Variants in SIN3A observed in about 807,000 individuals in gnomAD.
SIN3A encodes the protein SIN3 transcription regulator family member A, also known as paired amphipathic helix protein Sin3a.
Under a neutral mutation model 146.1 loss-of-function variants are expected in SIN3A, and 14 were observed. The observed-to-expected ratio is 0.10, with a 90% CI of 0.06 to 0.15. The LOEUF (loss-of-function observed/expected upper bound fraction) is 0.15. SIN3A is among the 10% of genes least tolerant of loss of function. The probability of loss-of-function intolerance (pLI) is 1.00; values close to 1 mark genes in which losing one functional copy is unlikely to be tolerated. For missense variants in SIN3A, 1,028 were observed against 1,576.0 expected (o/e 0.65, Z 5.89); for synonymous variants, 572 against 572.0 (o/e 1.00, Z 0.00).
At chr15:75,454,999 G>T (rs901071419), upstream of SIN3A, 3 of 152,094 alleles carry the variant, frequency 2.0e-5, no homozygotes, top group African/African-American at 7.2e-5. Flanking sequence ...CAGCTCGCAG[G>T]GCTAGCGGCG....
chr15:75,390,473 A>C (rs2073180125), intron 15 of SIN3A, among the ~76,000 whole-genome samples: 2 of 152,298 alleles, frequency 1.3e-5, no homozygotes, highest in East Asian at 1.9e-4. Context: ...AATAAATCTC[A>C]TCAGTTGTTA....
chr15:75,419,974 ACT>A (rs984067458), intron 3 of SIN3A: 3 of 152,172 alleles, frequency 2.0e-5, no homozygotes, highest in Non-Finnish European at 4.4e-5. Context: ...TCTTATATAA[ACT>A]CTCTATAAAT....
chr15:75,407,055 C>T lies in SIN3A; in HGVS notation c.1407G>A (p.Lys469=). 2 of 1,601,246 alleles carry T rather than the reference C, an allele frequency of 1.2e-6. No individual in the cohort carries two copies. The highest frequency in any genetic ancestry group is 8.5e-7 in the Non-Finnish European group (1 of 1,169,648). The change falls in exon 9 of 21, where the codon AAG becomes AAA. Residue 469 remains lysine (K), a splice_region_variant and synonymous_variant. Coordinates refer to ENST00000394947, the MANE Select transcript of SIN3A (RefSeq NM_001145358.2). ...GGGTESLFFD[K]VRKALRSAEA... ...CAAATCTAACTCATCCATTACTCAC[C>T]TTATCAAAAAATAACGATTCTGTTC...
At chr15:75,374,222 G>A (rs573947802) in intron 20 of SIN3A, among the ~76,000 whole-genome samples, 1 of 151,982 alleles carries the variant, frequency 6.6e-6, no homozygotes, top group East Asian at 1.9e-4. Flanking sequence ...ACATCTGGGC[G>A]TGGTGGCTCA....
At chr15:75,420,499 C>T (rs539735311) in intron 3 of SIN3A, 31 of 152,288 alleles carry the variant, frequency 2.0e-4, no homozygotes, top group African/African-American at 7.0e-4. Flanking sequence ...ATTCTCCTGC[C>T]TCAGCCTCCT....
chr15:75,443,197 T>C (rs371345033), intron 1 of SIN3A, among the ~76,000 whole-genome samples: 18 of 152,338 alleles, frequency 1.2e-4, no homozygotes, highest in African/African-American at 4.3e-4. Flanking sequence ...CACACAGCAT[T>C]CATCTACTAG....
At chr15:75,434,377 C>T (rs1215939148) in intron 1 of SIN3A, among the ~76,000 whole-genome samples, 4 of 152,100 alleles carry the variant, frequency 2.6e-5, no homozygotes, top group African/African-American at 4.8e-5. Flanking sequence ...AGGCCGGGCG[C>T]GGTGGCTCAT....
chr15:75,441,190 A>G (rs905272348), intron 1 of SIN3A, among the ~76,000 whole-genome samples: 1 of 151,834 alleles, frequency 6.6e-6, no homozygotes, highest in Non-Finnish European at 1.5e-5. Flanking sequence ...TGTGCCTATA[A>G]TCCCAGCTAC....
At chr15:75,452,609 G>A (rs896664806), upstream of SIN3A, among the ~76,000 whole-genome samples, 1 of 152,220 alleles carries the variant, frequency 6.6e-6, no homozygotes, top group Non-Finnish European at 1.5e-5. Context: ...AAACTCCCTA[G>A]AGCTGAATAT....
At chr15:75,452,347 C>A (rs1281082280), upstream of SIN3A, among the ~76,000 whole-genome samples, 1 of 152,024 alleles carries the variant, frequency 6.6e-6, no homozygotes, top group Admixed American at 6.6e-5. Context: ...TTCCAGGGCC[C>A]GAGATAGGAG....
chr15:75,392,568 A>G lies in SIN3A; in HGVS notation c.2525T>C (p.Met842Thr), dbSNP rs1304549434. The G allele has an allele frequency of 6.2e-7, 1 of 1,613,930 alleles. No individual in the cohort carries two copies. Among genetic ancestry groups the G allele is most frequent in the Non-Finnish European group, 8.5e-7 (1 of 1,179,998 alleles). Residue 842 changes from methionine to threonine, a missense_variant, in exon 15 of 21, where the codon ATG (methionine) becomes ACG (threonine). Physicochemically the swap from Met to Thr is moderately conservative, Grantham distance 81. Transcript: ENST00000394947. ...TGCCCCTGTGGCTTCATCTACATCC[A>G]TCTCTTCTTCTTCCTCTTCCTCCAC... ...SDVEEEEEEE[M>T]DVDEATGAVK...
intron 1 of SIN3A, among the ~76,000 whole-genome samples, chr15:75,450,771 A>G (rs1242007870): frequency 6.6e-6 from 1 of 152,184 alleles, no homozygotes; most frequent in East Asian, 1.9e-4. Flanking sequence ...CCACGGAGAC[A>G]TAGGGCGGGG....
At chr15:75,440,152 AAAAT>A (rs925787062) in intron 1 of SIN3A, among the ~76,000 whole-genome samples, 3 of 152,046 alleles carry the variant, frequency 2.0e-5, no homozygotes, top group Admixed American at 6.6e-5. Flanking sequence ...CTCCCTCTCA[AAAAT>A]AAATAAATAA....
At chr15:75,388,472 C>T (rs1000674325) in intron 16 of SIN3A, 1 of 152,318 alleles carries the variant, frequency 6.6e-6, no homozygotes, top group East Asian at 1.9e-4. Context: ...GGGGCTTCAG[C>T]TTAGAAGAGT....
intron 3 of SIN3A, chr15:75,415,854 GAAAAAAA>G (rs397946961): frequency 2.1e-5 from 2 of 96,252 alleles, no homozygotes; most frequent in Non-Finnish European, 4.0e-5. Context: ...TCGGTCTCAG[GAAAAAAA>G]AAAAAAAAAA....
intron 15 of SIN3A, 27 bp from the exon 16 acceptor site, chr15:75,389,848 C>A (rs763005706): frequency 3.1e-6 from 5 of 1,608,640 alleles, no homozygotes; most frequent in Admixed American, 3.3e-5. Context: ...ATTGGTGAGG[C>A]CTTACCTTGC....
chr15:75,400,853 G>A lies in SIN3A; in HGVS notation c.1614C>T (p.Ala538=). The part of the protein sequence containing the change: ...VHLETYPKER[A]TEGIAMEIDY... ...CTATCTCCATAGCAATGCCCTCTGTGGCTCGCTCCTTTGGATAAGTTTCCA... is the reference window on the plus strand; with the variant it reads ...CTATCTCCATAGCAATGCCCTCTGTAGCTCGCTCCTTTGGATAAGTTTCCA... Residue 538 remains alanine, a synonymous_variant, in exon 11 of 21, where the codon GCC becomes GCT. Transcript: ENST00000394947. 6.2e-7 allele frequency: 1 copy of A among 1,614,100 alleles called. No individual in the cohort carries two copies. The highest frequency in any genetic ancestry group is 8.5e-7 in the Non-Finnish European group (1 of 1,179,986).
intron 2 of SIN3A, among the ~76,000 whole-genome samples, chr15:75,428,804 C>G (rs1014124084): frequency 2.0e-5 from 3 of 152,122 alleles, no homozygotes; most frequent in African/African-American, 7.2e-5. Flanking sequence ...AGCAACAACA[C>G]AAGTCCACTT....
intron 18 of SIN3A, 139 bp downstream of exon 18, chr15:75,381,474 T>C: frequency 1.5e-6 from 1 of 650,638 alleles, no homozygotes; most frequent in South Asian, 2.0e-5. Flanking sequence ...TGGATTGACT[T>C]GTACTTTAAG....
Sources: allele counts gnomAD v4.1 joint callset (sites outside exome capture counted in the v4.1 genomes callset), GRCh38; gene constraint gnomAD v4.1.1; transcripts MANE v1.5; gene names NCBI Gene and HGNC (gene_info 2026-07-23, HGNC 2026-07-21).